Variants in DTNB observed in about 807,000 individuals in gnomAD.
The protein encoded by DTNB is DTN-B.
In DTNB, 63 loss-of-function variants were observed where a neutral mutation model predicts 90.7. The observed-to-expected ratio is 0.69, with a 90% CI of 0.57 to 0.86. The LOEUF (loss-of-function observed/expected upper bound fraction) is 0.86. DTNB is among the 40% of genes least tolerant of loss of function. The pLI is 0.00. For synonymous variants in DTNB, 277 were observed against 286.7 expected, an observed-to-expected ratio of 0.97 and a Z score of 0.34; for missense variants, 744 against 807.1, an observed-to-expected ratio of 0.92 and a Z score of 0.95.
rs73922442 is a variant in DTNB at position 25,600,302 on chromosome 2, A to G, written c.449-4062T>C. Among the ~76,000 whole-genome samples the G allele has an allele frequency of 3.1e-3, 465 of 152,314 alleles. 3 individuals carry two copies. The highest frequency in any genetic ancestry group is 0.011 in the African/African-American group (448 of 41,556). On this transcript the variant is annotated intron_variant, in intron 5 of 20. Coordinates refer to ENST00000406818, the MANE Select transcript of DTNB (RefSeq NM_021907.5). ...AATGACTTCTCAGCCTCCTTTGCAC[A>G]TTGCAATGCTGGAGTAGATGTCTGG...
intron 12 of DTNB, among the ~76,000 whole-genome samples, chr2:25,448,141 C>T (rs1456971332): frequency 6.6e-6 from 1 of 152,218 alleles, no homozygotes; most frequent in East Asian, 1.9e-4. Flanking sequence ...TACACTTCCA[C>T]AGCTCCCTGC....
At chr2:25,431,215 T>C (rs1291455936) in intron 14 of DTNB, among the ~76,000 whole-genome samples, 2 of 152,136 alleles carry the variant, frequency 1.3e-5, no homozygotes, top group African/African-American at 4.8e-5. Context: ...ATTTTTTTTT[T>C]TTTGAGATGG....
rs1559431162 is a variant in DTNB at position 25,662,683 on chromosome 2, C to CACACACACACACACACACACACAA, written c.-1-10023_-1-10022insTTGTGTGTGTGTGTGTGTGTGTGT. On this transcript the variant is annotated intron_variant, in intron 1 of 20. Transcript: ENST00000406818. ...ACACACACACACACACACACACAAA[C>CACACACACACACACACACACACAA]ACACACACACACACACACACACACA... is the stretch of plus-strand genomic sequence containing the variant. Among the ~76,000 whole-genome samples, 92 of 101,694 alleles carry CACACACACACACACACACACACAA rather than the reference C, an allele frequency of 9.0e-4. 1 individual carries two copies. The highest frequency in any genetic ancestry group is 1.1e-3 in the Non-Finnish European group (49 of 45,444). 66.7% of individuals were successfully genotyped at this position (101,694 alleles called of 152,430 possible). A position where few individuals can be genotyped will look rare whatever the true frequency, so the allele number is the denominator to read the frequency against.
chr2:25,589,529 C>T (rs1351197415), intron 6 of DTNB, among the ~76,000 whole-genome samples: 1 of 151,382 alleles, frequency 6.6e-6, no homozygotes, highest in Non-Finnish European at 1.5e-5. Context: ...TACAGGCGCC[C>T]GCCACCACGC....
intron 8 of DTNB, among the ~76,000 whole-genome samples, chr2:25,563,761 CA>C (rs2058598589): frequency 6.6e-6 from 1 of 152,232 alleles, no homozygotes; most frequent in Non-Finnish European, 1.5e-5. Context: ...TCGACAACAA[CA>C]AATACAAGGG....
At chr2:25,590,654 T>C (rs73922440) in intron 6 of DTNB, among the ~76,000 whole-genome samples, 2,235 of 152,262 alleles carry the variant, frequency 0.015, 60 homozygotes, top group African/African-American at 0.05. Context: ...CCACAGCTGG[T>C]AATCATTTGT....
chr2:25,519,562 T>A lies in DTNB; in HGVS notation c.1001+11911A>T, dbSNP rs562425840. The stretch of plus-strand genomic sequence containing the variant: ...AAATGCTTGGGACCAGAGTGTTTCA[T>A]ATTTTGGATTTTGGAATATTTGCAT... On this transcript the variant is annotated intron_variant, in intron 9 of 20. Coordinates refer to ENST00000406818, the MANE Select transcript of DTNB (RefSeq NM_021907.5). Among the ~76,000 whole-genome samples, 18 of 152,198 alleles carry A rather than the reference T, an allele frequency of 1.2e-4. No individual in the cohort carries two copies. The South Asian group carries it at 3.5e-3, about 30-fold the overall frequency.
intron 12 of DTNB, among the ~76,000 whole-genome samples, chr2:25,437,795 A>C (rs527468701): frequency 1.4e-4 from 21 of 152,284 alleles, no homozygotes; most frequent in Non-Finnish European, 1.8e-4. Context: ...TTCAACAGAT[A>C]CTTCCTGAGC....
intron 12 of DTNB, among the ~76,000 whole-genome samples, chr2:25,447,097 A>G (rs1010342620): frequency 6.6e-6 from 1 of 152,226 alleles, no homozygotes; most frequent in Non-Finnish European, 1.5e-5. Flanking sequence ...CTTTTAAGAC[A>G]GTATTTTGTC....
chr2:25,393,587 A>G (rs1490929227), intron 16 of DTNB, among the ~76,000 whole-genome samples: 1 of 152,224 alleles, frequency 6.6e-6, no homozygotes, highest in Non-Finnish European at 1.5e-5. Context: ...ATATATCAAC[A>G]GCGACCAAGC....
chr2:25,523,897 C>CTTTTTTTT (rs869167435), intron 9 of DTNB, among the ~76,000 whole-genome samples: 1 of 115,860 alleles, frequency 8.6e-6, no homozygotes, highest in Non-Finnish European at 1.8e-5. Context: ...GTCATCTGTA[C>CTTTTTTTT]TTTTTTTTTT....
chr2:25,530,495 C>T (rs1223449851), intron 9 of DTNB, among the ~76,000 whole-genome samples: 1 of 152,126 alleles, frequency 6.6e-6, no homozygotes, highest in African/African-American at 2.4e-5. Flanking sequence ...GTGCTCCAAA[C>T]ATATTATTTA....
At chr2:25,445,923 T>G (rs1235275281) in intron 12 of DTNB, among the ~76,000 whole-genome samples, 3 of 151,032 alleles carry the variant, frequency 2.0e-5, no homozygotes, top group African/African-American at 4.9e-5. Context: ...CTGGGTAGTT[T>G]TTTTTTTTTT....
intron 11 of DTNB, among the ~76,000 whole-genome samples, chr2:25,452,643 G>A (rs2059447677): frequency 6.6e-6 from 1 of 151,926 alleles, no homozygotes; most frequent in African/African-American, 2.4e-5. Flanking sequence ...ATCGAAGTTT[G>A]TTATAATTAC....
At chr2:25,611,886 G>A (rs1456972796) in intron 4 of DTNB, among the ~76,000 whole-genome samples, 1 of 152,082 alleles carries the variant, frequency 6.6e-6, no homozygotes, top group Non-Finnish European at 1.5e-5. Context: ...AAGAAAATAA[G>A]TCTGAATATC....
chr2:25,621,022 G>A (rs1015472108), intron 4 of DTNB, among the ~76,000 whole-genome samples: 2 of 151,958 alleles, frequency 1.3e-5, no homozygotes, highest in East Asian at 3.9e-4. Flanking sequence ...GCAAGACCTT[G>A]TCTCTTAAAA....
intron 6 of DTNB, among the ~76,000 whole-genome samples, chr2:25,590,291 C>T (rs1057216651): frequency 1.3e-5 from 2 of 152,236 alleles, no homozygotes; most frequent in Non-Finnish European, 2.9e-5. Context: ...CTCTTTTAGA[C>T]TTGCCATTTT....
intron 9 of DTNB, among the ~76,000 whole-genome samples, chr2:25,501,891 T>TA (rs912012259): frequency 1.3e-5 from 2 of 151,456 alleles, no homozygotes; most frequent in African/African-American, 2.4e-5. Flanking sequence ...ATTAAAGTAT[T>TA]AAAAAAAATC....
At chr2:25,501,431 A>G (rs574098354) in intron 9 of DTNB, among the ~76,000 whole-genome samples, 1 of 151,950 alleles carries the variant, frequency 6.6e-6, no homozygotes, top group South Asian at 2.1e-4. Flanking sequence ...CCAGGCTAGG[A>G]TGCAGTAGTC....
Sources: allele counts gnomAD v4.1 joint callset (sites outside exome capture counted in the v4.1 genomes callset), GRCh38; gene constraint gnomAD v4.1.1; transcripts MANE v1.5; gene names NCBI Gene and HGNC (gene_info 2026-07-23, HGNC 2026-07-21).